The following WWOX variants were observed in gnomAD, a reference collection of about 807,000 sequenced individuals.
The protein encoded by WWOX is WW domain containing oxidoreductase, also known as WW domain-containing oxidoreductase.
In WWOX, 69 loss-of-function variants were observed where a neutral mutation model predicts 46.2. The ratio of observed to expected loss-of-function variants is 1.49; its 90% confidence interval spans 1.23 to 1.82. The LOEUF is 1.82. Ranked by LOEUF, WWOX falls within the 40% of genes most tolerant of loss-of-function variation. WWOX has a pLI of 0.00. For missense variants in WWOX, 919 were observed against 542.6 expected (o/e 1.69, Z -6.89); for synonymous variants, 359 against 202.6 (o/e 1.77, Z -6.56).
chr16:79,116,797 T>A (rs1197166235), intron 8 of WWOX, among the ~76,000 whole-genome samples: 1 of 151,992 alleles, frequency 6.6e-6, no homozygotes, highest in Non-Finnish European at 1.5e-5. Flanking sequence ...GCATCTAGAA[T>A]GCTGAATCCT....
chr16:78,511,560 A>G (rs1289852733), intron 8 of WWOX, among the ~76,000 whole-genome samples: 1 of 152,186 alleles, frequency 6.6e-6, no homozygotes, highest in East Asian at 1.9e-4. Context: ...GAGTGATTAC[A>G]GCACGTCCTC....
intron 8 of WWOX, among the ~76,000 whole-genome samples, chr16:78,608,977 C>G (rs62037150): frequency 4.4e-4 from 67 of 152,222 alleles, no homozygotes; most frequent in Admixed American, 7.8e-4. Context: ...AATAATCTAG[C>G]ATGTCTGGGG....
chr16:78,811,508 C>A (rs780657514), intron 8 of WWOX, among the ~76,000 whole-genome samples: 1 of 151,066 alleles, frequency 6.6e-6, no homozygotes, highest in East Asian at 1.9e-4. Context: ...TCTTTTCTTT[C>A]TTTTTCCTTT....
intron 8 of WWOX, among the ~76,000 whole-genome samples, chr16:78,641,316 T>C (rs1228018495): frequency 1.3e-5 from 2 of 151,820 alleles, no homozygotes; most frequent in Non-Finnish European, 2.9e-5. Context: ...ATAGGACCCA[T>C]CCTGGAGAGA....
intron 5 of WWOX, among the ~76,000 whole-genome samples, chr16:78,375,852 ATTTTTTTT>A (rs11312205): frequency 7.7e-6 from 1 of 129,282 alleles, no homozygotes; most frequent in African/African-American, 2.8e-5. Flanking sequence ...CATGTATAGG[ATTTTTTTT>A]TTTTTTTTTT....
chr16:78,445,611 C>A (rs1272417920), intron 8 of WWOX, among the ~76,000 whole-genome samples: 1 of 152,114 alleles, frequency 6.6e-6, no homozygotes, highest in Non-Finnish European at 1.5e-5. Flanking sequence ...GGTTAGTAAA[C>A]AAAACAAATA....
intron 7 of WWOX, among the ~76,000 whole-genome samples, chr16:78,429,457 C>T (rs181666197): frequency 5.9e-5 from 9 of 152,270 alleles, no homozygotes; most frequent in Admixed American, 1.3e-4. Context: ...TTATGGAGAG[C>T]TTCCTGGAAG....
chr16:78,178,208 A>G (rs1424847849), intron 5 of WWOX, among the ~76,000 whole-genome samples: 1 of 152,150 alleles, frequency 6.6e-6, no homozygotes, highest in African/African-American at 2.4e-5. Flanking sequence ...TACAGAGGGG[A>G]TTAGGGCAGA....
intron 8 of WWOX, among the ~76,000 whole-genome samples, chr16:78,435,492 G>C (rs545146350): frequency 1.3e-5 from 2 of 152,318 alleles, no homozygotes; most frequent in South Asian, 2.1e-4. Context: ...CTGAGCTTTA[G>C]ATCCCTGAGT....
chr16:78,597,580 T>G (rs1213631523), intron 8 of WWOX, among the ~76,000 whole-genome samples: 1 of 152,160 alleles, frequency 6.6e-6, no homozygotes, highest in Non-Finnish European at 1.5e-5. Flanking sequence ...AGGACTTAGA[T>G]TTTTCTGGAA....
At chr16:78,627,452 A>G (rs542089727) in intron 8 of WWOX, among the ~76,000 whole-genome samples, 1 of 152,352 alleles carries the variant, frequency 6.6e-6, no homozygotes, top group East Asian at 1.9e-4. Context: ...CTGGTCTCCA[A>G]GGCCTCTTCC....
intron 8 of WWOX, among the ~76,000 whole-genome samples, chr16:78,815,674 A>C (rs1434683581): frequency 1.3e-5 from 2 of 152,180 alleles, no homozygotes; most frequent in Admixed American, 6.5e-5. Context: ...CCTGGGTTTT[A>C]ATCCTTCCTT....
At chr16:78,806,966 A>G (rs1471060250) in intron 8 of WWOX, among the ~76,000 whole-genome samples, 2 of 152,240 alleles carry the variant, frequency 1.3e-5, no homozygotes, top group Non-Finnish European at 1.5e-5. Context: ...CTTACTAGCC[A>G]CATGACTGGG....
chr16:78,199,791 C>G (rs1278931462), intron 5 of WWOX, among the ~76,000 whole-genome samples: 1 of 90,916 alleles, frequency 1.1e-5, no homozygotes, highest in Non-Finnish European at 2.3e-5. Flanking sequence ...ACTCCAAGAT[C>G]CCTCTTCTCT....
intron 8 of WWOX, among the ~76,000 whole-genome samples, chr16:79,009,714 G>C (rs1401744718): frequency 6.6e-6 from 1 of 152,174 alleles, no homozygotes; most frequent in Non-Finnish European, 1.5e-5. Flanking sequence ...GCTTCCCAAA[G>C]TGCTGGGATT....
At chr16:78,532,309 A>G (rs767388908) in intron 8 of WWOX, among the ~76,000 whole-genome samples, 1 of 152,118 alleles carries the variant, frequency 6.6e-6, no homozygotes, top group Non-Finnish European at 1.5e-5. Context: ...GCAACAGATG[A>G]CTTCGGTTCA....
At chr16:78,918,828 C>G (rs1199780147) in intron 8 of WWOX, among the ~76,000 whole-genome samples, 1 of 152,148 alleles carries the variant, frequency 6.6e-6, no homozygotes, top group Non-Finnish European at 1.5e-5. Flanking sequence ...TTCTCTCTTT[C>G]CTTTGCGGGG....
chr16:78,629,040 A>G (rs1405060264), intron 8 of WWOX, among the ~76,000 whole-genome samples: 5 of 152,216 alleles, frequency 3.3e-5, no homozygotes, highest in Admixed American at 1.3e-4. Flanking sequence ...TTTTAACCCA[A>G]TAGACCATAA....
intron 5 of WWOX, among the ~76,000 whole-genome samples, chr16:78,285,247 A>G (rs1349771078): frequency 1.3e-5 from 2 of 152,108 alleles, no homozygotes; most frequent in South Asian, 2.1e-4. Flanking sequence ...ACCCTGGGCA[A>G]CACAGTGAGA....
Sources: gnomAD v4.1 joint callset for allele counts (sites outside exome capture counted in the v4.1 genomes callset) on GRCh38, gnomAD v4.1.1 for gene constraint, MANE v1.5 for transcripts, NCBI Gene and HGNC (gene_info 2026-07-23, HGNC 2026-07-21) for gene names.